Variants in SORBS2 observed in about 807,000 individuals in gnomAD.
SORBS2 encodes sorbin and SH3 domain-containing protein 2.
In SORBS2, 46 loss-of-function variants were observed where a neutral mutation model predicts 97.7. That is an observed-to-expected ratio of 0.47 (90% CI 0.37 to 0.60). The LOEUF is 0.60. Among genes scored for constraint, SORBS2 ranks in the 20% least tolerant of loss-of-function variants. SORBS2 has a pLI of 0.00. For missense variants in SORBS2, 1,316 were observed against 1,282.3 expected (o/e 1.03, Z -0.40); for synonymous variants, 476 against 473.4 (o/e 1.01, Z -0.07).
At chr4:185,689,797 GC>G (rs2098056246) in intron 2 of SORBS2, among the ~76,000 whole-genome samples, 1 of 152,196 alleles carries the variant, frequency 6.6e-6, no homozygotes. Context: ...CTGCCATGGC[GC>G]GACGGCTCAA....
chr4:185,950,284 T>G (rs2150025634), intron 1 of SORBS2, among the ~76,000 whole-genome samples: 1 of 151,912 alleles, frequency 6.6e-6, no homozygotes, highest in South Asian at 2.1e-4. Context: ...AATGAATTTG[T>G]AAAGTAACAT....
intron 12 of SORBS2, among the ~76,000 whole-genome samples, chr4:185,600,041 G>A (rs190540977): frequency 2.6e-5 from 4 of 152,320 alleles, no homozygotes; most frequent in East Asian, 1.9e-4. Flanking sequence ...CACATATCTC[G>A]CTTTTTACGT....
At chr4:185,667,394 T>C (rs1172925208) in intron 4 of SORBS2, among the ~76,000 whole-genome samples, 2 of 152,198 alleles carry the variant, frequency 1.3e-5, no homozygotes, top group African/African-American at 4.8e-5. Context: ...ATAATTTTTT[T>C]CTCAGACTTT....
intron 2 of SORBS2, among the ~76,000 whole-genome samples, chr4:185,751,399 G>A (rs1188902563): frequency 2.0e-5 from 3 of 152,096 alleles, no homozygotes; most frequent in Non-Finnish European, 4.4e-5. Flanking sequence ...GAAGAGATGA[G>A]ACAAAGCAAG....
intron 1 of SORBS2, among the ~76,000 whole-genome samples, chr4:185,858,161 T>G (rs1189671620): frequency 1.3e-5 from 2 of 152,160 alleles, no homozygotes; most frequent in Non-Finnish European, 2.9e-5. Flanking sequence ...GTACTCTTTC[T>G]CTCTATTTCT....
In SORBS2 at chr4:185,623,086, C is replaced by A; in HGVS notation, c.2043G>T (p.Ala681=). The change falls in exon 7 of 15, where the codon GCG becomes GCT. Residue 681 remains alanine (A), a synonymous_variant. Coordinates refer to ENST00000418609, the Ensembl canonical transcript of SORBS2. The surrounding 1 kb of genome is among the most constrained non-coding windows in gnomAD (Gnocchi z 6.4). ...GCTGGTGCAGGGGGCTCCTCCTCAG[C>A]GCTCTCAGGGATGAGTTCCTCTCGG... The A allele has an allele frequency of 6.2e-7, 1 of 1,614,046 alleles. No individual in the cohort carries two copies. The highest frequency in any genetic ancestry group is 8.5e-7 in the Non-Finnish European group (1 of 1,180,004).
At position 185,607,239 on chromosome 4, in the gene SORBS2, A is replaced by T. The variant is rs1317197850; in HGVS notation, c.2796+4541T>A. ...TTGGGGCCAAAGGGTTTGCTGGTAG[A>T]CATGAGGCTGTCAGGGACAACCAGC... On this transcript the variant is annotated intron_variant, in intron 12 of 14. Transcript: ENST00000418609. This position sits in a 1 kb window ranked among gnomAD's most constrained non-coding sequence, Gnocchi z 5.2. 8 of 1,218,112 alleles carry T rather than the reference A, an allele frequency of 6.6e-6. No individual in the cohort carries two copies. The highest frequency in any genetic ancestry group is 8.4e-6 in the Non-Finnish European group (8 of 957,932). 75.5% of individuals were successfully genotyped at this position (1,218,112 alleles called of 1,614,324 possible).
Position 185,823,177 on chromosome 4 carries a change from G to A in SORBS2, c.-337-47811C>T, listed in dbSNP as rs78882988. On this transcript the variant is annotated intron_variant, in intron 1 of 20. Coordinates refer to the SORBS2 transcript ENST00000284776. ...ACCATACCTTCCTTCTTTCCCCTCC[G>A]GCCTCCTTTTCCCCTTTATGTACCG... is the stretch of plus-strand genomic sequence containing the variant. 6.6e-3 allele frequency among the ~76,000 whole-genome samples: 1,010 copies of A among 152,156 alleles called. 8 individuals are homozygous for A. The highest frequency in any genetic ancestry group is 0.022 in the African/African-American group (932 of 41,518).
chr4:185,923,677 C>T (rs1032236946), intron 1 of SORBS2, among the ~76,000 whole-genome samples: 9 of 151,764 alleles, frequency 5.9e-5, no homozygotes, highest in African/African-American at 2.2e-4. Context: ...TTCGTTTGCA[C>T]GTGATGATTA....
At chr4:185,598,002 C>T (rs555110377) in intron 12 of SORBS2, among the ~76,000 whole-genome samples, 19 of 152,240 alleles carry the variant, frequency 1.2e-4, no homozygotes, top group African/African-American at 4.6e-4. Context: ...ATTTTTGGTC[C>T]GTGTCCATTT....
chr4:185,891,004 T>C (rs948010517), intron 1 of SORBS2, among the ~76,000 whole-genome samples: 4 of 152,210 alleles, frequency 2.6e-5, no homozygotes, highest in African/African-American at 9.7e-5. Context: ...ACTTAAGCTG[T>C]GTGGGTTTCT....
exon 15 of SORBS2, chr4:185,587,610 G>A: frequency 1.2e-6 from 2 of 1,612,018 alleles, no homozygotes; most frequent in Non-Finnish European, 1.7e-6. Flanking sequence ...GGCCTCTACA[G>A]AAGGAGGGAG....
At chr4:185,839,079 G>A (rs2099209939) in intron 1 of SORBS2, among the ~76,000 whole-genome samples, 1 of 152,206 alleles carries the variant, frequency 6.6e-6, no homozygotes, top group African/African-American at 2.4e-5. Context: ...TGCAAGGAAG[G>A]GGAGAACACT....
At chr4:185,701,414 G>A (rs1211898226) in intron 2 of SORBS2, among the ~76,000 whole-genome samples, 3 of 152,194 alleles carry the variant, frequency 2.0e-5, no homozygotes, top group African/African-American at 7.2e-5. Context: ...GAGAATGTCT[G>A]TGTGGACATC....
rs1396490174 is a variant in SORBS2, at chr4:185,635,301, C to T, written c.397-4703G>A. The stretch of plus-strand genomic sequence containing the variant: ...TGTAAAACACAGATGTGCAGAATCA[C>T]AGTCACAGCCTCTAAGGGAGATATC... On this transcript the variant is annotated intron_variant, in intron 4 of 14. Transcript: ENST00000418609. 2.4e-6 allele frequency: 3 copies of T among 1,271,136 alleles called. No homozygotes were observed. The East Asian group carries it at 7.0e-5, about 30-fold the overall frequency. The allele number at this position is 1,271,136 out of a possible 1,614,324, so 78.7% of individuals were successfully genotyped here.
At chr4:185,747,131 A>T (rs1399814027) in intron 2 of SORBS2, among the ~76,000 whole-genome samples, 1 of 152,204 alleles carries the variant, frequency 6.6e-6, no homozygotes, top group Non-Finnish European at 1.5e-5. Flanking sequence ...ACCAGACACC[A>T]GGGATGCATT....
chr4:185,602,079 C>T (rs1057093542), intron 12 of SORBS2, among the ~76,000 whole-genome samples: 1 of 152,172 alleles, frequency 6.6e-6, no homozygotes, highest in African/African-American at 2.4e-5. Context: ...GGCACGGTCT[C>T]GGCTCACTGC....
chr4:185,607,322 G>T lies in SORBS2; in HGVS notation c.2796+4458C>A, dbSNP rs1216743079. 7.8e-7 allele frequency: 1 copy of T among 1,287,222 alleles called. No homozygotes were observed. Among genetic ancestry groups the T allele is most frequent in the South Asian group, 1.2e-5 (1 of 80,942 alleles). The allele number at this position is 1,287,222 out of a possible 1,614,324, so 79.7% of individuals were successfully genotyped here. ...GAGCCAGGTGAGACTTTGTGGGTGG[G>T]AGGAGGGGCTGGTTCACTGGAAGCC... On this transcript the variant is annotated intron_variant, in intron 12 of 14. Coordinates refer to ENST00000418609, the Ensembl canonical transcript of SORBS2. This position sits in a 1 kb window ranked among gnomAD's most constrained non-coding sequence, Gnocchi z 5.2.
intron 2 of SORBS2, among the ~76,000 whole-genome samples, chr4:185,683,011 T>C (rs1238715570): frequency 9.8e-6 from 1 of 102,454 alleles, no homozygotes; most frequent in African/African-American, 4.1e-5. Flanking sequence ...GACCCACCCG[T>C]CTCAAAAAAA....
Sources: allele counts gnomAD v4.1 joint callset (sites outside exome capture counted in the v4.1 genomes callset), GRCh38; gene constraint gnomAD v4.1.1; non-coding constraint Gnocchi (gnomAD v3.1); transcripts MANE v1.5; gene names NCBI Gene and HGNC (gene_info 2026-07-23, HGNC 2026-07-21).